Variants in CDH3 observed in about 807,000 individuals in gnomAD.
CDH3 encodes cadherin-3.
A neutral mutation model predicts 82.0 loss-of-function variants in CDH3; 54 were observed. The ratio of observed to expected loss-of-function variants is 0.66; its 90% CI spans 0.53 to 0.83. The LOEUF is 0.83. CDH3 is among the 40% of genes least tolerant of loss of function. CDH3 has a pLI of 0.00. For missense variants in CDH3, 1,054 were observed against 1,084.6 expected (o/e 0.97, Z 0.40); for synonymous variants, 446 against 437.9 (o/e 1.02, Z -0.23).
At chr16:68,693,609 T>G (rs1961631859) in intron 13 of CDH3, among the ~76,000 whole-genome samples, 1 of 152,162 alleles carries the variant, frequency 6.6e-6, no homozygotes, top group South Asian at 2.1e-4. Context: ...GAAGTCCATT[T>G]GGCGTCTTGC....
intron 1 of CDH3, among the ~76,000 whole-genome samples, chr16:68,721,229 CTTTTTTTTTTT>C (rs71148941): frequency 8.7e-6 from 1 of 114,586 alleles, no homozygotes; most frequent in African/African-American, 3.4e-5. Flanking sequence ...GCAGTTTAGT[CTTTTTTTTTTT>C]TTTTTTTTTG....
intron 15 of CDH3, 187 bp downstream of exon 15, chr16:68,696,110 T>C: frequency 1.4e-6 from 1 of 691,878 alleles, no homozygotes; most frequent in South Asian, 1.6e-5. Flanking sequence ...TAGAACTCAC[T>C]TGCAGAGTGG....
In CDH3 at chr16:68,698,238, C is replaced by A; in HGVS notation, c.2328C>A (p.Thr776=). 6.2e-7 allele frequency: 1 copy of A among 1,614,234 alleles called. No homozygotes were observed. The highest frequency in any genetic ancestry group is 8.5e-7 in the Non-Finnish European group (1 of 1,180,048). ...NTDPTAPPYD[T]LLVFDYEGSG... Reference sequence around the variant, plus strand: ...ACCCCACAGCCCCGCCCTACGACACCCTCTTGGTGTTCGACTATGAGGGCA... The same window carrying A: ...ACCCCACAGCCCCGCCCTACGACACACTCTTGGTGTTCGACTATGAGGGCA... Residue 776 remains threonine, a synonymous_variant, in exon 16 of 16, where the codon ACC becomes ACA. Coordinates refer to ENST00000264012, the MANE Select transcript of CDH3 (RefSeq NM_001793.6).
intron 2 of CDH3, among the ~76,000 whole-genome samples, chr16:68,646,767 G>A (rs75883340): frequency 0.033 from 5,067 of 152,110 alleles, 286 homozygotes; most frequent in African/African-American, 0.12. Flanking sequence ...TCATTTTTAG[G>A]GGGAAGGAAC....
At chr16:68,645,826 C>G (rs1373222031) in intron 2 of CDH3, 76 bp downstream of exon 2, 1 of 1,134,190 alleles carries the variant, frequency 8.8e-7, no homozygotes, top group Non-Finnish European at 1.3e-6. Context: ...GAGGGGTGTT[C>G]GGGCCGGGGC....
intron 6 of CDH3, 81 bp from the exon 7 acceptor site, chr16:68,679,718 A>AAAT: frequency 1.3e-6 from 1 of 766,986 alleles, no homozygotes; most frequent in Non-Finnish European, 2.0e-6. Flanking sequence ...AAAAAAAAAA[A>AAAT]GAAAAGAAAA....
rs11861426 is a variant in CDH3, at chr16:68,716,033, C to T, written c.100-6392C>T. Among the ~76,000 whole-genome samples the T allele has an allele frequency of 8.0e-3, 1,222 of 152,238 alleles. 19 individuals carry two copies. The highest frequency in any genetic ancestry group is 0.028 in the African/African-American group (1,163 of 41,554). On this transcript the variant is annotated intron_variant, in intron 1 of 2. Transcript: ENST00000569080. ...CCTGTAATCCCAACACTTTGGGAGG[C>T]TGAGGCGGGTGGATCACCTGAAATC... is the stretch of plus-strand genomic sequence containing the variant.
At chr16:68,696,200 C>G (rs1961717574) in intron 15 of CDH3, 1 of 434,052 alleles carries the variant, frequency 2.3e-6, no homozygotes, top group Non-Finnish European at 4.3e-6. Context: ...ACGGGTGAAT[C>G]ATGAGGTCAG....
At chr16:68,731,445 CACACACGTATATACACAT>C (rs1567467991), downstream of CDH3, among the ~76,000 whole-genome samples, 22 of 10,382 alleles carry the variant, frequency 2.1e-3, 6 homozygotes, top group African/African-American at 4.9e-3. Flanking sequence ...TATATATACA[CACACACGTATATACACAT>C]ATATATATAC....
At chr16:68,663,518 G>GCCA (rs1960653902) in intron 2 of CDH3, among the ~76,000 whole-genome samples, 1 of 152,022 alleles carries the variant, frequency 6.6e-6, no homozygotes, top group African/African-American at 2.4e-5. Flanking sequence ...ACAGGCGTGA[G>GCCA]CCACCACGCC....
At chr16:68,645,565 C>T in intron 1 of CDH3, 71 bp from the exon 2 acceptor site, 1 of 1,461,644 alleles carries the variant, frequency 6.8e-7, no homozygotes, top group Non-Finnish European at 9.3e-7. Flanking sequence ...CGTGAGGACC[C>T]TGCGGTGTGG....
Position 68,707,132 on chromosome 16 carries a change from T to C in CDH3, c.99+11209T>C, listed in dbSNP as rs1470237956. Reference sequence around the variant, plus strand: ...ACTGGAGGCTATCAGGGAGCAAGTATGCAGTGTCCTGTCTACATAAAAGGA... The same window carrying C: ...ACTGGAGGCTATCAGGGAGCAAGTACGCAGTGTCCTGTCTACATAAAAGGA... On this transcript the variant is annotated intron_variant, in intron 1 of 2. Coordinates refer to the CDH3 transcript ENST00000569080. This position sits in a 1 kb window ranked among gnomAD's most constrained non-coding sequence, Gnocchi z 4.5. Among the ~76,000 whole-genome samples the C allele has an allele frequency of 6.6e-6, 1 of 152,176 alleles. No individual in the cohort carries two copies. Among genetic ancestry groups the C allele is most frequent in the East Asian group, 1.9e-4 (1 of 5,196 alleles).
intron 3 of CDH3, 84 bp from the exon 4 acceptor site, chr16:68,678,050 C>T (rs966444437): frequency 4.6e-6 from 6 of 1,317,622 alleles, no homozygotes; most frequent in East Asian, 2.3e-5. Context: ...TGCCCAGCCA[C>T]CCTTTTAACT....
intron 13 of CDH3, among the ~76,000 whole-genome samples, chr16:68,693,048 C>T (rs940259790): frequency 1.8e-4 from 27 of 152,108 alleles, no homozygotes; most frequent in Admixed American, 1.6e-3. Flanking sequence ...AGGTTGCAGT[C>T]AGCCGAGATC....
rs536663655 is a variant in CDH3, at chr16:68,662,841, C to T, written c.161-13544C>T. Among the ~76,000 whole-genome samples the T allele has an allele frequency of 1.0e-4, 15 of 148,678 alleles. No individual in the cohort carries two copies. The East Asian group carries it at 1.4e-3, about 14-fold the overall frequency. On this transcript the variant is annotated intron_variant, in intron 2 of 15. Transcript: ENST00000264012. Reference sequence around the variant, plus strand: ...GATTACAGGTGTGAGCCACCGTTCCCGGAGGCTGGTGGATTTTTTAAAGTT... The same window carrying T: ...GATTACAGGTGTGAGCCACCGTTCCTGGAGGCTGGTGGATTTTTTAAAGTT...
chr16:68,694,984 G>A (rs1961673797), intron 13 of CDH3, among the ~76,000 whole-genome samples: 1 of 152,152 alleles, frequency 6.6e-6, no homozygotes, highest in African/African-American at 2.4e-5. Context: ...GTTCTTAAGG[G>A]GAAGTTGCTG....
At chr16:68,654,374 A>C (rs1597791549) in intron 2 of CDH3, among the ~76,000 whole-genome samples, 1 of 91,068 alleles carries the variant, frequency 1.1e-5, no homozygotes, top group African/African-American at 4.9e-5. Flanking sequence ...CTTAATTTTT[A>C]AATTAATTTT....
At chr16:68,671,183 G>T (rs1488900725) in intron 2 of CDH3, among the ~76,000 whole-genome samples, 3 of 148,970 alleles carry the variant, frequency 2.0e-5, no homozygotes, top group Non-Finnish European at 3.0e-5. Context: ...AAGAGACAGG[G>T]TCTAGCTATA....
intron 13 of CDH3, among the ~76,000 whole-genome samples, chr16:68,693,837 C>T (rs115360981): frequency 1.9e-3 from 283 of 152,268 alleles, no homozygotes; most frequent in African/African-American, 6.4e-3. Context: ...CCTCTTAATA[C>T]AGGGTTAACT....
Sources: gnomAD v4.1 joint callset for allele counts (sites outside exome capture counted in the v4.1 genomes callset) on GRCh38, gnomAD v4.1.1 for gene constraint, Gnocchi (gnomAD v3.1) non-coding constraint, MANE v1.5 for transcripts, NCBI Gene and HGNC (gene_info 2026-07-23, HGNC 2026-07-21) for gene names.